SPECC1: variants seen among roughly 807,000 people sequenced by gnomAD.
SPECC1 encodes the protein cytospin-B.
A neutral mutation model predicts 104.1 loss-of-function variants in SPECC1; 62 were observed. The observed-to-expected ratio is 0.60, with a 90% CI of 0.49 to 0.74. The LOEUF (loss-of-function observed/expected upper bound fraction) is 0.74, where lower values mean the gene tolerates loss of function less well. SPECC1 is among the 30% of genes least tolerant of loss of function. The pLI is 0.00. For synonymous variants in SPECC1, 513 were observed against 501.6 expected (o/e 1.02, Z -0.30); for missense variants, 1,306 against 1,310.5 (o/e 1.00, Z 0.05).
At chr17:20,258,383 T>A (rs2039907398) in intron 11 of SPECC1, among the ~76,000 whole-genome samples, 1 of 152,156 alleles carries the variant, frequency 6.6e-6, no homozygotes. Flanking sequence ...CTCTGTCACC[T>A]CCTCCCTTTC....
In SPECC1 at chr17:20,101,041, G is replaced by A. The variant is rs186096910; in HGVS notation, c.147+4243G>A. Among the ~76,000 whole-genome samples the A allele has an allele frequency of 8.6e-4, 131 of 152,182 alleles. 1 individual carries two copies. Among genetic ancestry groups the A allele is most frequent in the Non-Finnish European group, 1.4e-3 (97 of 68,018 alleles). On this transcript the variant is annotated intron_variant, in intron 2 of 14. Coordinates refer to ENST00000395527, the MANE Select transcript of SPECC1 (RefSeq NM_001243439.2). ...TAGTATTCCATGGTGTATATGTGAC[G>A]CATTTTCTTTATCCAGTCTATCATT...
intron 3 of SPECC1, among the ~76,000 whole-genome samples, chr17:20,196,994 G>A (rs1193181870): frequency 6.6e-6 from 1 of 152,092 alleles, no homozygotes; most frequent in African/African-American, 2.4e-5. Context: ...ACTTATTTTT[G>A]TTTCAGCCAA....
rs570518491 is a variant in SPECC1, at chr17:20,165,587, T to A, written c.284-38746T>A. ...GGTATATATTCAGTAATGGAATTGC[T>A]GAGTCAAATGGCATTTCTGGTTCTA... is the stretch of plus-strand genomic sequence containing the variant. On this transcript the variant is annotated intron_variant, in intron 3 of 14. Coordinates refer to ENST00000395527, the MANE Select transcript of SPECC1 (RefSeq NM_001243439.2). 1.1e-4 allele frequency among the ~76,000 whole-genome samples: 16 copies of A among 152,368 alleles called. No homozygotes were observed. The South Asian group carries it at 3.1e-3, about 30-fold the overall frequency.
intron 3 of SPECC1, among the ~76,000 whole-genome samples, chr17:20,191,925 G>A (rs1394679824): frequency 6.6e-6 from 1 of 151,874 alleles, no homozygotes; most frequent in African/African-American, 2.4e-5. Context: ...TTTTTAGTCA[G>A]GTGTTTCGTT....
chr17:20,228,653 G>T (rs1389423381), intron 5 of SPECC1, among the ~76,000 whole-genome samples: 2 of 152,148 alleles, frequency 1.3e-5, no homozygotes, highest in African/African-American at 2.4e-5. Flanking sequence ...AACAATTCCC[G>T]CATGTGTCCC....
chr17:20,034,775 T>C (rs2044993486), intron 1 of SPECC1, among the ~76,000 whole-genome samples: 1 of 152,064 alleles, frequency 6.6e-6, no homozygotes, highest in South Asian at 2.1e-4. Context: ...CCAGCTAATT[T>C]TGTATTTTTA....
chr17:20,146,208 C>T lies in SPECC1; in HGVS notation c.283+35646C>T, dbSNP rs781375070. On this transcript the variant is annotated intron_variant, in intron 3 of 14. Transcript: ENST00000395527. ...CCCTAAAAATCGCCTGTGCTCCACC[C>T]GTTCATCCTTCCTCCTAAGTGCCTG... Among the ~76,000 whole-genome samples, 5 of 152,202 alleles carry T rather than the reference C, an allele frequency of 3.3e-5. 1 individual carries two copies. In the East Asian group the frequency reaches 9.6e-4, roughly 29 times the overall value.
chr17:20,249,494 T>A (rs778737412), intron 9 of SPECC1, among the ~76,000 whole-genome samples: 1 of 151,296 alleles, frequency 6.6e-6, no homozygotes, highest in Non-Finnish European at 1.5e-5. Flanking sequence ...AGAGAAAAAA[T>A]AGACAATAGA....
intron 14 of SPECC1, 98 bp from the exon 15 acceptor site, chr17:20,313,878 C>G (rs1259227671): frequency 9.1e-7 from 1 of 1,100,428 alleles, no homozygotes; most frequent in African/African-American, 1.5e-5. Flanking sequence ...TGGAGGGTTT[C>G]CAGGCAGTGT....
chr17:20,034,600 T>C (rs1183273638), intron 1 of SPECC1, among the ~76,000 whole-genome samples: 2 of 127,990 alleles, frequency 1.6e-5, no homozygotes, highest in Non-Finnish European at 3.4e-5. Context: ...GATTTTCTAT[T>C]TTTCCTTTTT....
chr17:20,163,454 G>A (rs2033349847), intron 3 of SPECC1, among the ~76,000 whole-genome samples: 1 of 151,720 alleles, frequency 6.6e-6, no homozygotes, highest in African/African-American at 2.4e-5. Flanking sequence ...GTTAAAGTCT[G>A]ACAAAAAAAT....
Position 20,125,072 on chromosome 17 carries a change from C to T in SPECC1, c.283+14510C>T, listed in dbSNP as rs146473367. On this transcript the variant is annotated intron_variant, in intron 3 of 14. Coordinates refer to ENST00000395527, the MANE Select transcript of SPECC1 (RefSeq NM_001243439.2). The stretch of plus-strand genomic sequence containing the variant: ...GTGGGCGCCTGTAGTTCCAGCTACT[C>T]GGGAGGCTGAGGCAGGAGAATGGCG... Among the ~76,000 whole-genome samples the T allele has an allele frequency of 4.3e-3, 649 of 152,052 alleles. 3 individuals are homozygous for T. Among genetic ancestry groups the T allele is most frequent in the African/African-American group, 0.014 (564 of 41,488 alleles).
At chr17:20,218,983 T>A (rs998002667) in intron 4 of SPECC1, among the ~76,000 whole-genome samples, 1 of 152,258 alleles carries the variant, frequency 6.6e-6, no homozygotes, top group African/African-American at 2.4e-5. Flanking sequence ...TAGCAGGATC[T>A]CATTCTTTTT....
chr17:20,166,945 A>C (rs1303115837), intron 3 of SPECC1, among the ~76,000 whole-genome samples: 1 of 151,500 alleles, frequency 6.6e-6, no homozygotes, highest in East Asian at 1.9e-4. Flanking sequence ...CCATCTGTAC[A>C]AAAAAAAATT....
intron 1 of SPECC1, among the ~76,000 whole-genome samples, chr17:20,010,468 G>C (rs2043903004): frequency 6.6e-6 from 1 of 152,204 alleles, no homozygotes; most frequent in Admixed American, 6.5e-5. Context: ...TGTTGAAGAT[G>C]GGGGAGGAGG....
rs145335864 is a variant in SPECC1, at chr17:20,229,481, A to G, written c.2071+1861A>G. ...GGAGTTCGAGACCAGCCTGGGCAAC[A>G]TAGTGAGACCCTGTCTTGACAAAAA... is the stretch of plus-strand genomic sequence containing the variant. On this transcript the variant is annotated intron_variant, in intron 5 of 14. Coordinates refer to ENST00000395527, the MANE Select transcript of SPECC1 (RefSeq NM_001243439.2). Among the ~76,000 whole-genome samples the G allele has an allele frequency of 1.5e-3, 233 of 152,278 alleles. 2 individuals are homozygous for G. Among genetic ancestry groups the G allele is most frequent in the African/African-American group, 5.2e-3 (218 of 41,544 alleles).
At chr17:20,062,406 A>C (rs1378541964) in intron 1 of SPECC1, among the ~76,000 whole-genome samples, 4 of 152,194 alleles carry the variant, frequency 2.6e-5, no homozygotes, top group African/African-American at 9.7e-5. Context: ...TCTTTCATCC[A>C]GGCTGAAGTG....
intron 4 of SPECC1, among the ~76,000 whole-genome samples, chr17:20,208,932 C>G (rs1289266157): frequency 6.6e-6 from 1 of 152,136 alleles, no homozygotes; most frequent in Non-Finnish European, 1.5e-5. Flanking sequence ...TTCTGGGTAG[C>G]TGGGACTGCA....
At chr17:20,257,661 T>C in intron 11 of SPECC1, 54 bp downstream of exon 11, 1 of 1,595,432 alleles carries the variant, frequency 6.3e-7, no homozygotes, top group Admixed American at 1.8e-5. Flanking sequence ...AATCACCTTT[T>C]ATTCTTCCTT....
Sources: allele counts gnomAD v4.1 joint callset (sites outside exome capture counted in the v4.1 genomes callset), GRCh38; gene constraint gnomAD v4.1.1; transcripts MANE v1.5; gene names NCBI Gene and HGNC (gene_info 2026-07-23, HGNC 2026-07-21).